The following SRGAP1 variants were observed in gnomAD, a reference collection of about 807,000 sequenced individuals.
The protein encoded by SRGAP1 is SLIT-ROBO Rho GTPase-activating protein 1.
Under a neutral mutation model 121.9 loss-of-function variants are expected in SRGAP1, and 43 were observed. The observed-to-expected ratio is 0.35, with a 90% confidence interval of 0.28 to 0.46. The LOEUF (loss-of-function observed/expected upper bound fraction) is 0.46. Ranked by LOEUF, SRGAP1 falls within the 20% of genes least tolerant of loss-of-function variation. SRGAP1 has a pLI of 1.00. For missense variants in SRGAP1, 1,102 were observed against 1,350.9 expected (o/e 0.82, Z 2.89); for synonymous variants, 447 against 485.4 (o/e 0.92, Z 1.04).
Position 63,892,351 on chromosome 12 carries a change from T to C in SRGAP1, c.67+47468T>C, listed in dbSNP as rs145237474. On this transcript the variant is annotated intron_variant, in intron 1 of 21. Transcript: ENST00000355086. ...AGAGTCATAAAATATGTAATAATCATTGTTCACATGGAATCATTCTTACTA... is the reference window on the plus strand; with the variant it reads ...AGAGTCATAAAATATGTAATAATCACTGTTCACATGGAATCATTCTTACTA... 1.1e-3 allele frequency among the ~76,000 whole-genome samples: 165 copies of C among 152,292 alleles called. No individual in the cohort carries two copies. In the Middle Eastern group the frequency reaches 0.024, roughly 22 times the overall value.
intron 1 of SRGAP1, among the ~76,000 whole-genome samples, chr12:63,955,438 A>T (rs1365145394): frequency 6.6e-6 from 1 of 152,240 alleles, no homozygotes; most frequent in Non-Finnish European, 1.5e-5. Context: ...GCATTACCTC[A>T]CACACTTATC....
chr12:63,911,430 C>G (rs1454154307), intron 1 of SRGAP1, among the ~76,000 whole-genome samples: 1 of 152,134 alleles, frequency 6.6e-6, no homozygotes, highest in Non-Finnish European at 1.5e-5. Flanking sequence ...CTTAGTCAAC[C>G]TTGCATCTAT....
chr12:63,990,212 A>G, intron 3 of SRGAP1, 140 bp downstream of exon 3: 2 of 705,498 alleles, frequency 2.8e-6, no homozygotes, highest in Non-Finnish European at 4.6e-6. Context: ...AATTAGATGA[A>G]TGGATGTTTT....
chr12:63,896,794 A>T (rs956779791), intron 1 of SRGAP1, among the ~76,000 whole-genome samples: 3 of 152,216 alleles, frequency 2.0e-5, no homozygotes, highest in Non-Finnish European at 4.4e-5. Context: ...CTTTAAGGCA[A>T]CATTTCCCAG....
chr12:64,006,306 G>C (rs532713762), intron 3 of SRGAP1, among the ~76,000 whole-genome samples: 6 of 152,246 alleles, frequency 3.9e-5, no homozygotes, highest in African/African-American at 1.4e-4. Flanking sequence ...TAAGACTCCT[G>C]GTGGCCCCTT....
chr12:64,006,491 T>G (rs1286952429), intron 3 of SRGAP1, among the ~76,000 whole-genome samples: 14 of 152,150 alleles, frequency 9.2e-5, no homozygotes, highest in Non-Finnish European at 4.4e-5. Context: ...CACAAGAATT[T>G]GAATCTCAGT....
chr12:64,125,897 C>T (rs2036679163), intron 18 of SRGAP1, 80 bp from the exon 19 acceptor site: 1 of 1,456,274 alleles, frequency 6.9e-7, no homozygotes. Context: ...CATTTGAAGC[C>T]TCATAGAGCC....
chr12:63,901,777 TAAAA>T (rs1363121492), intron 1 of SRGAP1, among the ~76,000 whole-genome samples: 10 of 152,362 alleles, frequency 6.6e-5, no homozygotes, highest in Admixed American at 2.0e-4. Context: ...AATGAGATTT[TAAAA>T]TTAACTGGAT....
intron 15 of SRGAP1, among the ~76,000 whole-genome samples, chr12:64,100,273 G>A (rs984702673): frequency 2.6e-5 from 4 of 152,160 alleles, no homozygotes; most frequent in African/African-American, 9.7e-5. Context: ...CGTGAATTTA[G>A]AAATATTTGT....
At chr12:64,075,784 G>A (rs1472761957) in intron 8 of SRGAP1, among the ~76,000 whole-genome samples, 1 of 151,842 alleles carries the variant, frequency 6.6e-6, no homozygotes, top group African/African-American at 2.4e-5. Context: ...TTTGCATTGT[G>A]CATAACCCCA....
chr12:63,880,598 C>G (rs527927426), intron 1 of SRGAP1, among the ~76,000 whole-genome samples: 10 of 152,228 alleles, frequency 6.6e-5, no homozygotes, highest in Admixed American at 6.5e-5. Flanking sequence ...TGAAAATTGA[C>G]TAATACAGGG....
At chr12:63,939,967 C>G (rs982051705) in intron 1 of SRGAP1, among the ~76,000 whole-genome samples, 19 of 148,398 alleles carry the variant, frequency 1.3e-4, no homozygotes, top group African/African-American at 4.0e-4. Flanking sequence ...CTTTTCTTTT[C>G]TTTTTTTTTT....
rs557029796 is a variant in SRGAP1, at chr12:63,853,335, T to A, written c.67+8452T>A. Among the ~76,000 whole-genome samples, 8 of 152,180 alleles carry A rather than the reference T, an allele frequency of 5.3e-5. No homozygotes were observed. In the South Asian group the frequency reaches 1.7e-3, roughly 32 times the overall value. On this transcript the variant is annotated intron_variant, in intron 1 of 21. Transcript: ENST00000355086. ...CGCACCCGGCCTATTACCACAAAATTTTAAGTTGAATTCAAATGGTTTATA... is the reference window on the plus strand; with the variant it reads ...CGCACCCGGCCTATTACCACAAAATATTAAGTTGAATTCAAATGGTTTATA...
At chr12:64,081,999 G>GTTTTTTTTTT (rs1362308440) in intron 10 of SRGAP1, 1 of 7,518 alleles carries the variant, frequency 1.3e-4, no homozygotes, top group Non-Finnish European at 2.9e-4. Context: ...GTCATGTAAG[G>GTTTTTTTTTT]TCTTTTTTTT....
At chr12:64,007,017 G>T (rs1414188094) in intron 3 of SRGAP1, among the ~76,000 whole-genome samples, 3 of 152,084 alleles carry the variant, frequency 2.0e-5, no homozygotes, top group Non-Finnish European at 4.4e-5. Context: ...CATGGATTTG[G>T]ACTGACTCCA....
At chr12:64,095,075 A>T (rs1405375879) in intron 13 of SRGAP1, 52 bp from the exon 14 acceptor site, 3 of 1,607,876 alleles carry the variant, frequency 1.9e-6, no homozygotes, top group Non-Finnish European at 2.6e-6. Context: ...GAAAAGAGGG[A>T]CCTAGACAAT....
At chr12:63,971,956 C>T (rs947595468) in intron 1 of SRGAP1, among the ~76,000 whole-genome samples, 1 of 152,162 alleles carries the variant, frequency 6.6e-6, no homozygotes, top group Non-Finnish European at 1.5e-5. Flanking sequence ...AGCTCCTGTC[C>T]AGAGTCCAGG....
intron 1 of SRGAP1, among the ~76,000 whole-genome samples, chr12:63,876,163 A>G (rs1301924025): frequency 6.6e-6 from 1 of 152,222 alleles, no homozygotes; most frequent in Admixed American, 6.5e-5. Context: ...GTAAGTAGCT[A>G]CCATTTTTGG....
In SRGAP1 at chr12:64,153,694, G is replaced by A. The variant is rs1024923764; in HGVS notation, c.*11022G>A. 2 of 152,128 alleles carry A rather than the reference G, an allele frequency of 1.3e-5. No homozygotes were observed. Among genetic ancestry groups the A allele is most frequent in the African/African-American group, 2.4e-5 (1 of 41,418 alleles). 9.4% of individuals were successfully genotyped at this position (152,128 alleles called of 1,614,324 possible). On this transcript the variant is annotated 3_prime_UTR_variant, in exon 22 of 22. Transcript: ENST00000355086. ...AGGGTGTAGAGAAACTGACACCCTT[G>A]TGCACTGTTGGTGGGAATGTAAAAT...
Sources: allele counts gnomAD v4.1 joint callset (sites outside exome capture counted in the v4.1 genomes callset), GRCh38; gene constraint gnomAD v4.1.1; transcripts MANE v1.5; gene names NCBI Gene and HGNC (gene_info 2026-07-23, HGNC 2026-07-21).